Variants in TSPAN15 observed in about 807,000 individuals in gnomAD.
TSPAN15 encodes the protein tetraspanin 15.
Under a neutral mutation model 34.5 loss-of-function variants are expected in TSPAN15, and 20 were observed. The observed-to-expected ratio is 0.58, with a 90% confidence interval of 0.41 to 0.84. TSPAN15 has a LOEUF of 0.84. Among genes scored for constraint, TSPAN15 ranks in the 40% least tolerant of loss-of-function variants. The pLI, the probability that TSPAN15 is intolerant of heterozygous loss-of-function variation, is 0.00. For missense variants in TSPAN15, 313 were observed against 386.1 expected (o/e 0.81, Z 1.59); for synonymous variants, 155 against 153.9 (o/e 1.01, Z -0.05).
At chr10:69,505,049 G>A (rs1460493839) in intron 6 of TSPAN15, among the ~76,000 whole-genome samples, 2 of 152,166 alleles carry the variant, frequency 1.3e-5, no homozygotes, top group African/African-American at 4.8e-5. Flanking sequence ...TCTTGGTATG[G>A]GGCTAGTGGG....
intron 1 of TSPAN15, among the ~76,000 whole-genome samples, chr10:69,459,853 T>G (rs544567610): frequency 6.6e-6 from 1 of 150,542 alleles, no homozygotes; most frequent in South Asian, 2.1e-4. Flanking sequence ...TCCTGTGAGA[T>G]GAGAGGTGCC....
intron 5 of TSPAN15, among the ~76,000 whole-genome samples, chr10:69,502,679 G>A (rs943552998): frequency 3.3e-5 from 5 of 152,058 alleles, no homozygotes; most frequent in Non-Finnish European, 2.9e-5. Flanking sequence ...TGGATGCATC[G>A]TATCCCCTCA....
At chr10:69,470,888 C>T (rs886555523) in intron 1 of TSPAN15, among the ~76,000 whole-genome samples, 4 of 152,102 alleles carry the variant, frequency 2.6e-5, no homozygotes, top group South Asian at 2.1e-4. Context: ...CCAGCAGCCC[C>T]GTCCCCCTTG....
At chr10:69,477,170 C>G (rs1841632748) in intron 1 of TSPAN15, among the ~76,000 whole-genome samples, 1 of 152,104 alleles carries the variant, frequency 6.6e-6, no homozygotes, top group Non-Finnish European at 1.5e-5. Flanking sequence ...GAGTCTCACT[C>G]TGTCGCCAGG....
At chr10:69,493,761 T>C (rs949032622) in intron 3 of TSPAN15, among the ~76,000 whole-genome samples, 2 of 151,574 alleles carry the variant, frequency 1.3e-5, no homozygotes, top group African/African-American at 4.9e-5. Context: ...CGTGAGCCAC[T>C]GCGCCAGGCC....
chr10:69,536,996 A>G, the TSPAN15 span, among the ~76,000 whole-genome samples: 1 of 151,928 alleles, frequency 6.6e-6, no homozygotes, highest in Admixed American at 6.6e-5. Context: ...AAAAAAAAAA[A>G]AAAAAGCACA....
chr10:69,540,961 G>A, the TSPAN15 span, among the ~76,000 whole-genome samples: 1 of 152,344 alleles, frequency 6.6e-6, no homozygotes, highest in South Asian at 2.1e-4. Context: ...ATGGCCCTGG[G>A]TGGTGCCAGC....
At chr10:69,547,711 A>T in the TSPAN15 span, among the ~76,000 whole-genome samples, 1 of 152,200 alleles carries the variant, frequency 6.6e-6, no homozygotes, top group East Asian at 1.9e-4. Context: ...TCACATAAGC[A>T]GGAAGTGCCG....
intron 1 of TSPAN15, among the ~76,000 whole-genome samples, chr10:69,479,771 A>G (rs1841693892): frequency 6.6e-6 from 1 of 152,220 alleles, no homozygotes; most frequent in Non-Finnish European, 1.5e-5. Flanking sequence ...GCCTCTCCCC[A>G]TGCCCGCTGC....
chr10:69,511,441 A>G (rs537449888), downstream of TSPAN15, among the ~76,000 whole-genome samples: 59 of 151,982 alleles, frequency 3.9e-4, no homozygotes, highest in Admixed American at 1.4e-3. Flanking sequence ...ATCATTTTTT[A>G]TTGTGTCTAT....
Position 69,507,007 on chromosome 10 carries a change from A to G in TSPAN15, c.*29A>G. The G allele has an allele frequency of 6.2e-7, 1 of 1,601,320 alleles. No individual in the cohort carries two copies. Among genetic ancestry groups the G allele is most frequent in the Non-Finnish European group, 8.5e-7 (1 of 1,175,136 alleles). On this transcript the variant is annotated 3_prime_UTR_variant, in exon 8 of 8. Transcript: ENST00000373290. ...CCAGCCTGCCATGGCAGCTCCAACA[A>G]GGACCGTCTGGGATAGCACCTCTCA...
the TSPAN15 span, among the ~76,000 whole-genome samples, chr10:69,537,359 T>A: frequency 6.6e-6 from 1 of 152,146 alleles, no homozygotes. Flanking sequence ...TTTTGCAACA[T>A]CGTAAAGTTG....
intron 1 of TSPAN15, among the ~76,000 whole-genome samples, chr10:69,476,015 C>A (rs909784727): frequency 1.3e-5 from 2 of 152,030 alleles, no homozygotes; most frequent in Admixed American, 6.6e-5. Context: ...GGAAGACCTG[C>A]TAGAGTAGAA....
chr10:69,536,803 G>A, the TSPAN15 span, among the ~76,000 whole-genome samples: 1 of 151,952 alleles, frequency 6.6e-6, no homozygotes, highest in Non-Finnish European at 1.5e-5. Context: ...TGACCAACAC[G>A]GCGAAACCCC....
At chr10:69,491,010 G>A (rs1326545510) in intron 3 of TSPAN15, among the ~76,000 whole-genome samples, 3 of 152,222 alleles carry the variant, frequency 2.0e-5, no homozygotes, top group African/African-American at 7.2e-5. Flanking sequence ...ACTCCCCCAC[G>A]GGTGTGCCCC....
chr10:69,457,517 A>G (rs1841140522), intron 1 of TSPAN15, among the ~76,000 whole-genome samples: 1 of 152,162 alleles, frequency 6.6e-6, no homozygotes, highest in Non-Finnish European at 1.5e-5. Flanking sequence ...AATCAGGAAG[A>G]AAAGGACTTG....
intron 6 of TSPAN15, 156 bp from the exon 7 acceptor site, chr10:69,505,968 C>T (rs755126236): frequency 8.1e-5 from 50 of 616,158 alleles, no homozygotes; most frequent in Non-Finnish European, 1.2e-4. Context: ...CATTAAGAAT[C>T]AGAATCTAGG....
intron 1 of TSPAN15, among the ~76,000 whole-genome samples, chr10:69,467,353 C>G (rs1841406118): frequency 6.6e-6 from 1 of 152,208 alleles, no homozygotes; most frequent in Non-Finnish European, 1.5e-5. Context: ...ACCCAGGCCT[C>G]TGGTGAGCTG....
chr10:69,516,682 C>T, the TSPAN15 span, among the ~76,000 whole-genome samples: 1 of 152,322 alleles, frequency 6.6e-6, no homozygotes, highest in Admixed American at 6.5e-5. Flanking sequence ...CCCACCCCTC[C>T]CCCAGCACTT....
Sources: gnomAD v4.1 joint callset for allele counts (sites outside exome capture counted in the v4.1 genomes callset) on GRCh38, gnomAD v4.1.1 for gene constraint, MANE v1.5 for transcripts, NCBI Gene and HGNC (gene_info 2026-07-23, HGNC 2026-07-21) for gene names.